Variants in GRID1 observed in about 807,000 individuals in gnomAD.
GRID1 encodes glutamate receptor ionotropic, delta-1.
In GRID1, 28 loss-of-function variants were observed where a neutral mutation model predicts 98.0. The ratio of observed to expected loss-of-function variants is 0.29; its 90% CI spans 0.21 to 0.39. The LOEUF (loss-of-function observed/expected upper bound fraction) is 0.39, where lower values mean the gene tolerates loss of function less well. GRID1 is among the 10% of genes least tolerant of loss of function. GRID1 has a pLI of 1.00. For synonymous variants in GRID1, 553 were observed against 538.5 expected (o/e 1.03, Z -0.37); for missense variants, 1,111 against 1,340.5 (o/e 0.83, Z 2.67).
At chr10:85,886,851 G>A (rs1841124640) in intron 5 of GRID1, among the ~76,000 whole-genome samples, 1 of 152,152 alleles carries the variant, frequency 6.6e-6, no homozygotes, top group South Asian at 2.1e-4. Flanking sequence ...TCCGATATCA[G>A]AGAAAAATAT....
chr10:86,215,615 G>C (rs1030013159), intron 2 of GRID1, among the ~76,000 whole-genome samples: 1 of 152,060 alleles, frequency 6.6e-6, no homozygotes, highest in African/African-American at 2.4e-5. Flanking sequence ...GGAGAACCTC[G>C]AAAGCAACTG....
chr10:85,861,705 G>A (rs148474612), intron 6 of GRID1, among the ~76,000 whole-genome samples: 3 of 152,328 alleles, frequency 2.0e-5, no homozygotes, highest in Non-Finnish European at 4.4e-5. Flanking sequence ...GGTGTGCAGG[G>A]GAGGTGGGGA....
intron 8 of GRID1, among the ~76,000 whole-genome samples, chr10:85,783,529 A>C (rs1842399157): frequency 2.0e-5 from 3 of 152,230 alleles, no homozygotes; most frequent in African/African-American, 7.2e-5. Context: ...CACTGAATAT[A>C]GCTCTTGTGG....
At chr10:86,292,479 A>G (rs948318835) in intron 2 of GRID1, among the ~76,000 whole-genome samples, 1 of 152,210 alleles carries the variant, frequency 6.6e-6, no homozygotes, top group Non-Finnish European at 1.5e-5. Context: ...TCCTACAGCA[A>G]TTGTTGGTAA....
At chr10:85,878,457 G>A (rs1840937753) in intron 5 of GRID1, among the ~76,000 whole-genome samples, 1 of 152,096 alleles carries the variant, frequency 6.6e-6, no homozygotes, top group Admixed American at 6.5e-5. Context: ...GAGAGTGGGG[G>A]CCAATATTCA....
intron 2 of GRID1, among the ~76,000 whole-genome samples, chr10:86,304,978 C>T (rs189772148): frequency 6.6e-6 from 1 of 151,998 alleles, no homozygotes; most frequent in Non-Finnish European, 1.5e-5. Flanking sequence ...CCAGTTATTT[C>T]GTCAAACATG....
At chr10:85,961,123 A>G (rs1304603834) in intron 4 of GRID1, among the ~76,000 whole-genome samples, 1 of 152,126 alleles carries the variant, frequency 6.6e-6, no homozygotes, top group East Asian at 1.9e-4. Context: ...TCTACTCTGA[A>G]CAGAACAGAG....
intron 8 of GRID1, among the ~76,000 whole-genome samples, chr10:85,771,315 G>A (rs1320344912): frequency 6.6e-6 from 1 of 152,174 alleles, no homozygotes; most frequent in Non-Finnish European, 1.5e-5. Flanking sequence ...AAGAGCTCCT[G>A]AAGGAAGCAC....
intron 12 of GRID1, among the ~76,000 whole-genome samples, chr10:85,695,344 C>T (rs1397240279): frequency 1.3e-5 from 2 of 152,184 alleles, no homozygotes; most frequent in East Asian, 3.9e-4. Flanking sequence ...ATGCACCCAT[C>T]ATGGGAGTTA....
chr10:85,923,872 T>A (rs1231618886), intron 4 of GRID1, among the ~76,000 whole-genome samples: 1 of 152,204 alleles, frequency 6.6e-6, no homozygotes, highest in Non-Finnish European at 1.5e-5. Context: ...CCTGGAGAGC[T>A]ACAGGGCCTT....
intron 8 of GRID1, among the ~76,000 whole-genome samples, chr10:85,768,135 GT>G (rs1842215248): frequency 1.3e-5 from 2 of 152,126 alleles, no homozygotes; most frequent in African/African-American, 4.8e-5. Flanking sequence ...AGCTGAGAAT[GT>G]TTTTTCCATG....
chr10:85,856,911 G>A (rs1433295366), intron 6 of GRID1, among the ~76,000 whole-genome samples: 1 of 152,232 alleles, frequency 6.6e-6, no homozygotes, highest in Non-Finnish European at 1.5e-5. Flanking sequence ...CAGGGATTGA[G>A]CCCTGCAAAG....
chr10:86,136,776 C>A (rs1844931315), intron 4 of GRID1, among the ~76,000 whole-genome samples: 1 of 152,148 alleles, frequency 6.6e-6, no homozygotes, highest in Admixed American at 6.5e-5. Flanking sequence ...ATCCCAGGGA[C>A]TTGACTGACG....
At chr10:86,278,313 A>G (rs1041616193) in intron 2 of GRID1, among the ~76,000 whole-genome samples, 1 of 152,306 alleles carries the variant, frequency 6.6e-6, no homozygotes, top group Non-Finnish European at 1.5e-5. Context: ...ATAAAGTTTC[A>G]TTGTACATAA....
chr10:85,848,172 C>G (rs1843024675), intron 8 of GRID1, among the ~76,000 whole-genome samples: 1 of 151,986 alleles, frequency 6.6e-6, no homozygotes, highest in African/African-American at 2.4e-5. Flanking sequence ...ACTTTATATA[C>G]TACTCATGGA....
chr10:85,789,764 TAGCAGAGGCCAAG>T (rs1329452053), intron 8 of GRID1, among the ~76,000 whole-genome samples: 1 of 152,076 alleles, frequency 6.6e-6, no homozygotes, highest in African/African-American at 2.4e-5. Context: ...ACAGTCAGGG[TAGCAGAGGCCAAG>T]AGCAGGGGGT....
At chr10:85,964,084 T>C (rs1842306335) in intron 4 of GRID1, among the ~76,000 whole-genome samples, 1 of 152,170 alleles carries the variant, frequency 6.6e-6, no homozygotes, top group Admixed American at 6.5e-5. Flanking sequence ...AAAAGGGATA[T>C]GAAGGATCTC....
chr10:85,911,886 A>G, intron 5 of GRID1, among the ~76,000 whole-genome samples: 1 of 152,238 alleles, frequency 6.6e-6, no homozygotes, highest in East Asian at 1.9e-4. Flanking sequence ...AAGAGGCTCC[A>G]AAAGCCACCC....
intron 4 of GRID1, among the ~76,000 whole-genome samples, chr10:86,118,680 C>A (rs995733881): frequency 2.0e-5 from 3 of 152,074 alleles, no homozygotes; most frequent in Non-Finnish European, 4.4e-5. Flanking sequence ...AGTGGAGAAA[C>A]CTTGACAAAC....
Sources: allele counts gnomAD v4.1 joint callset (sites outside exome capture counted in the v4.1 genomes callset), GRCh38; gene constraint gnomAD v4.1.1; transcripts MANE v1.5; gene names NCBI Gene and HGNC (gene_info 2026-07-23, HGNC 2026-07-21).